IFT172: variants seen among roughly 807,000 people sequenced by gnomAD.
IFT172 encodes the protein intraflagellar transport 172, also known as intraflagellar transport protein 172 homolog.
A neutral mutation model predicts 248.9 loss-of-function variants in IFT172; 164 were observed. The observed-to-expected ratio is 0.66, with a 90% CI of 0.58 to 0.75. The LOEUF is 0.75. IFT172 is among the 30% of genes least tolerant of loss of function. The probability of loss-of-function intolerance (pLI) is 0.00; values close to 1 mark genes in which losing one functional copy is unlikely to be tolerated. For synonymous variants in IFT172, 729 were observed against 791.6 expected, an observed-to-expected ratio of 0.92 and a Z score of 1.33; for missense variants, 1,950 against 2,192.4, an observed-to-expected ratio of 0.89 and a Z score of 2.21.
intron 16 of IFT172, among the ~76,000 whole-genome samples, chr2:27,470,343 AACAAATAAATT>A (rs1412510681): frequency 6.6e-6 from 1 of 152,080 alleles, no homozygotes; most frequent in South Asian, 2.1e-4. Context: ...GAAAGAACTA[AACAAATAAATT>A]TTAGACCCTA....
chr2:27,444,617 G>A (rs1664863706), intron 47 of IFT172, 96 bp from the exon 48 acceptor site: 1 of 888,614 alleles, frequency 1.1e-6, no homozygotes, highest in Admixed American at 2.0e-5. Context: ...CTGCCTTCCT[G>A]TAATCCCACC....
chr2:27,458,164 C>T lies in IFT172; in HGVS notation c.2937G>A (p.Gln979=). 1 of 1,614,188 alleles carries T rather than the reference C, an allele frequency of 6.2e-7. No individual in the cohort carries two copies. Among genetic ancestry groups the T allele is most frequent in the Non-Finnish European group, 8.5e-7 (1 of 1,180,038 alleles). The part of the protein sequence containing the change: ...DVSVLYITQA[Q]EMEKQGKYRE... ...GGTACTTGCCCTGCTTCTCCATTTC[C>T]TGGGCCTGAGTGATGTATAGCACTG... Residue 979 remains glutamine (Q), a synonymous_variant, in exon 27 of 48, where the codon CAG becomes CAA. Coordinates refer to ENST00000260570, the MANE Select transcript of IFT172 (RefSeq NM_015662.3).
At chr2:27,455,752 C>A in intron 30 of IFT172, 2 of 436,224 alleles carry the variant, frequency 4.6e-6, no homozygotes, top group Admixed American at 3.1e-5. Flanking sequence ...TAATCTGCTC[C>A]CATCCTGCCA....
rs758387302 is a variant in IFT172 at position 27,454,070 on chromosome 2, C to T, written c.3623G>A (p.Arg1208Gln). The T allele has an allele frequency of 1.3e-5, 21 of 1,614,012 alleles. No homozygotes were observed. The highest frequency in any genetic ancestry group is 4.4e-5 in the South Asian group (4 of 91,088). Reference sequence around the variant, plus strand: ...AAAGTCCTTCTCCTCCAAGGCCCCCCGGGCCTGTCCCACAAGCACCTCGGC... The same window carrying T: ...AAAGTCCTTCTCCTCCAAGGCCCCCTGGGCCTGTCCCACAAGCACCTCGGC... ...SVAEVLVGQA[R>Q]GALEEKDFQK... The change falls in exon 33 of 48, where the codon CGG becomes CAG. Residue 1208 changes from arginine to glutamine, a missense_variant. Around this residue, in one of 3 missense-constraint regions of IFT172, gnomAD observed 620 missense variants for 699.0 expected, o/e 0.89. Coordinates refer to ENST00000260570, the MANE Select transcript of IFT172 (RefSeq NM_015662.3). This position sits in a 1 kb window ranked among gnomAD's most constrained non-coding sequence, Gnocchi z 4.2.
At chr2:27,466,209 T>C (rs1024952893) in intron 16 of IFT172, 4 of 262,578 alleles carry the variant, frequency 1.5e-5, no homozygotes, top group Middle Eastern at 2.5e-3. Context: ...ACATACTTTT[T>C]AATGCATTGC....
chr2:27,454,726 A>C lies in IFT172; in HGVS notation c.3372-66T>G. On this transcript the variant is annotated intron_variant, in intron 30 of 47. Transcript: ENST00000260570. This position sits in a 1 kb window ranked among gnomAD's most constrained non-coding sequence, Gnocchi z 4.2. ...TTCCCTTCATAAAAGGAACAAGACAAAACAGAGAAAGGACAGAGTTGAGGG... is the reference window on the plus strand; with the variant it reads ...TTCCCTTCATAAAAGGAACAAGACACAACAGAGAAAGGACAGAGTTGAGGG... 2.2e-6 allele frequency: 3 copies of C among 1,367,570 alleles called. No homozygotes were observed. 84.7% of individuals were successfully genotyped at this position (1,367,570 alleles called of 1,614,324 possible).
At chr2:27,459,021 C>T in intron 25 of IFT172, 153 bp from the exon 26 acceptor site, 1 of 758,240 alleles carries the variant, frequency 1.3e-6, no homozygotes. Flanking sequence ...GTGTCTCATA[C>T]ATTCTACCAT....
chr2:27,451,744 C>A (rs1009335189), intron 35 of IFT172, among the ~76,000 whole-genome samples: 1 of 152,038 alleles, frequency 6.6e-6, no homozygotes, highest in Non-Finnish European at 1.5e-5. Context: ...CCAGCCTGGG[C>A]GACAGAGCAA....
rs769963997 is a variant in IFT172, at chr2:27,476,658, A to G, written c.1394T>C (p.Ile465Thr). 5.0e-6 allele frequency: 8 copies of G among 1,590,452 alleles called. No individual in the cohort carries two copies. Among genetic ancestry groups the G allele is most frequent in the Non-Finnish European group, 6.9e-6 (8 of 1,158,692 alleles). Residue 465 changes from isoleucine (I) to threonine (T), a missense_variant, in exon 14 of 48, where the codon ATT becomes ACT. Ile to Thr is a moderately conservative substitution (Grantham distance 89). This residue lies in a region of IFT172 where 1,166 missense variants were observed against 1,254.1 expected (regional missense o/e 0.93). Transcript: ENST00000260570. ...TTACTCACCTATAGCAATAGTCTTAATATCAATAAGATAAGCCAATTTCTT... is the reference window on the plus strand; with the variant it reads ...TTACTCACCTATAGCAATAGTCTTAGTATCAATAAGATAAGCCAATTTCTT... Reference protein sequence around the residue: ...DNKKLAYLIDIKTIAIVDLIG... With the variant: ...DNKKLAYLIDTKTIAIVDLIG...
intron 10 of IFT172, among the ~76,000 whole-genome samples, chr2:27,478,695 T>C (rs1293995391): frequency 6.6e-6 from 1 of 152,216 alleles, no homozygotes; most frequent in Non-Finnish European, 1.5e-5. Context: ...TATCTGTGTA[T>C]TCCCAATGCC....
chr2:27,476,735 T>A lies in IFT172; in HGVS notation c.1326-9A>T. The A allele has an allele frequency of 1.2e-6, 2 of 1,607,166 alleles. No homozygotes were observed. Among genetic ancestry groups the A allele is most frequent in the Non-Finnish European group, 1.7e-6 (2 of 1,173,906 alleles). ...TCTCATTAATACGAACACTGAAACATGAAGGGTGAGGTAAGGCAAAATGGG... is the reference window on the plus strand; with the variant it reads ...TCTCATTAATACGAACACTGAAACAAGAAGGGTGAGGTAAGGCAAAATGGG... On this transcript the variant is annotated splice_polypyrimidine_tract_variant and intron_variant, in intron 13 of 47. Coordinates refer to ENST00000260570, the MANE Select transcript of IFT172 (RefSeq NM_015662.3).
At chr2:27,470,830 G>A in intron 16 of IFT172, 98 bp downstream of exon 16, 1 of 1,173,352 alleles carries the variant, frequency 8.5e-7, no homozygotes, top group Non-Finnish European at 1.2e-6. Context: ...GAGATTAAGG[G>A]TGGTGGACAC....
chr2:27,489,528 A>T, intron 1 of IFT172, 87 bp downstream of exon 1: 1 of 959,292 alleles, frequency 1.0e-6, no homozygotes, highest in Non-Finnish European at 1.7e-6. Flanking sequence ...TGCACACAGT[A>T]GGAGGTCAAC....
chr2:27,448,749 C>A (rs947126693), intron 40 of IFT172, among the ~76,000 whole-genome samples, 166 bp downstream of exon 40: 11 of 152,232 alleles, frequency 7.2e-5, no homozygotes, highest in African/African-American at 2.7e-4. Context: ...AGCAAATACA[C>A]AGCCTCCAGA....
chr2:27,446,512 T>G, intron 42 of IFT172, 157 bp from the exon 43 acceptor site: 1 of 617,542 alleles, frequency 1.6e-6, no homozygotes, highest in Non-Finnish European at 2.8e-6. Flanking sequence ...TTTTTTTCTT[T>G]TTCTCTGAAC....
rs200449969 is a variant in IFT172 at position 27,470,958 on chromosome 2, T to G, written c.1662A>C (p.Ala554=). The G allele has an allele frequency of 2.5e-5, 40 of 1,609,074 alleles. No homozygotes were observed. Among genetic ancestry groups the G allele is most frequent in the Non-Finnish European group, 2.0e-5 (24 of 1,178,672 alleles). ...NSLCVWYNIE[A]PERVTMFTIR... ...TAGTGAACATGGTGACTCTCTCAGGTGCCTCAATGTTGTACCATACACACA... is the reference window on the plus strand; with the variant it reads ...TAGTGAACATGGTGACTCTCTCAGGGGCCTCAATGTTGTACCATACACACA... The change falls in exon 16 of 48, where the codon GCA becomes GCC. Residue 554 remains alanine, a synonymous_variant. Coordinates refer to ENST00000260570, the MANE Select transcript of IFT172 (RefSeq NM_015662.3).
chr2:27,470,723 C>T (rs1667501363), intron 16 of IFT172: 1 of 449,354 alleles, frequency 2.2e-6, no homozygotes, highest in Non-Finnish European at 3.8e-6. Context: ...GTAATGAACC[C>T]ATACTCCAAG....
In IFT172 at chr2:27,445,637, A is replaced by C; in HGVS notation, c.4914+108T>G. On this transcript the variant is annotated intron_variant, in intron 45 of 47. Coordinates refer to ENST00000260570, the MANE Select transcript of IFT172 (RefSeq NM_015662.3). This position sits in a 1 kb window ranked among gnomAD's most constrained non-coding sequence, Gnocchi z 4.4. The stretch of plus-strand genomic sequence containing the variant: ...ATTTTGCTTCTACTTTCACTGAAAA[A>C]ACAGTGAGGGCTGAGGTCCTTCCAA... 1 of 1,404,386 alleles carries C rather than the reference A, an allele frequency of 7.1e-7. No homozygotes were observed. Among genetic ancestry groups the C allele is most frequent in the Non-Finnish European group, 9.8e-7 (1 of 1,018,218 alleles). 87.0% of individuals were successfully genotyped at this position (1,404,386 alleles called of 1,614,324 possible). A position where few individuals can be genotyped will look rare whatever the true frequency, so the allele number is the denominator to read the frequency against.
intron 39 of IFT172, 67 bp downstream of exon 39, chr2:27,449,227 T>C (rs1665434224): frequency 6.3e-7 from 1 of 1,580,762 alleles, no homozygotes; most frequent in Non-Finnish European, 8.7e-7. Context: ...AAGAGATGCA[T>C]CTTTGAGGCA....
Sources: gnomAD v4.1 joint callset for allele counts (sites outside exome capture counted in the v4.1 genomes callset) on GRCh38, gnomAD v4.1.1 for gene constraint, gnomAD v4.1.1 regional missense constraint, Gnocchi (gnomAD v3.1) non-coding constraint, MANE v1.5 for transcripts, NCBI Gene and HGNC (gene_info 2026-07-23, HGNC 2026-07-21) for gene names.